ZNF254: variants seen among roughly 807,000 people sequenced by gnomAD.
The protein encoded by ZNF254 is CTD-2017D11.1.
A neutral mutation model predicts 12.4 loss-of-function variants in ZNF254; 10 were observed. The ratio of observed to expected loss-of-function variants is 0.80; its 90% confidence interval spans 0.50 to 1.36. The LOEUF is 1.36. Ranked by LOEUF, ZNF254 falls within the 40% of genes most tolerant of loss-of-function variation. The pLI, the probability that ZNF254 is intolerant of heterozygous loss-of-function variation, is 0.00. For missense variants in ZNF254, 996 were observed against 763.9 expected (o/e 1.30, Z -3.58); for synonymous variants, 305 against 253.4 (o/e 1.20, Z -1.93).
At position 24,107,068 on chromosome 19, in the gene ZNF254, A is replaced by T; in HGVS notation, c.253+425A>T. The T allele has an allele frequency of 2.3e-6, 1 of 443,454 alleles. No homozygotes were observed. Among genetic ancestry groups the T allele is most frequent in the Non-Finnish European group, 3.9e-6 (1 of 254,886 alleles). 27.5% of individuals were successfully genotyped at this position (443,454 alleles called of 1,614,324 possible). A position where few individuals can be genotyped will look rare whatever the true frequency, so the allele number is the denominator to read the frequency against. ...ATATTGGGTTTTTTCTTTTTGGTTT[A>T]TTTTTCTGCACATTTCATCCTGTTT... On this transcript the variant is annotated intron_variant, in intron 3 of 3. Transcript: ENST00000357002.
At position 24,087,323 on chromosome 19, in the gene ZNF254, A is replaced by G. The variant is rs1294870733; in HGVS notation, c.16A>G (p.Arg6Gly). MPGPP[R>G]SLEMGLLTFR... ...CACAGCTAAGATGCCAGGACCCCCT[A>G]GAAGCCTAGAAATGGTGAGAATGCC... The change falls in exon 1 of 4, where the codon AGA becomes GGA. Residue 6 changes from arginine (R) to glycine (G), a missense_variant. Arg to Gly is a moderately radical substitution (Grantham distance 125). Coordinates refer to ENST00000357002, the MANE Select transcript of ZNF254 (RefSeq NM_203282.4). 5 of 1,613,578 alleles carry G rather than the reference A, an allele frequency of 3.1e-6. No homozygotes were observed. The highest frequency in any genetic ancestry group is 4.2e-6 in the Non-Finnish European group (5 of 1,179,692).
chr19:24,075,599 G>A (rs905782306), intron 2 of ZNF254, among the ~76,000 whole-genome samples: 4 of 143,070 alleles, frequency 2.8e-5, no homozygotes, highest in African/African-American at 9.8e-5. Context: ...CAAGGCAAAT[G>A]GGGGCAGAGC....
intron 1 of ZNF254, among the ~76,000 whole-genome samples, chr19:24,099,161 A>G (rs1182205117): frequency 7.5e-6 from 1 of 133,142 alleles, no homozygotes; most frequent in African/African-American, 2.8e-5. Context: ...ATGCCCAGCT[A>G]TTTTTTTTTT....
intron 2 of ZNF254, among the ~76,000 whole-genome samples, chr19:24,050,571 G>A (rs142893261): frequency 4.6e-5 from 7 of 152,218 alleles, no homozygotes; most frequent in Non-Finnish European, 1.0e-4. Context: ...CCTTAGAAGA[G>A]AGAGTGACTT....
At chr19:24,062,766 C>T (rs1168911054) in intron 2 of ZNF254, among the ~76,000 whole-genome samples, 1 of 152,118 alleles carries the variant, frequency 6.6e-6, no homozygotes, top group Non-Finnish European at 1.5e-5. Flanking sequence ...AACCAAAATT[C>T]AGCACACCTT....
intron 2 of ZNF254, among the ~76,000 whole-genome samples, chr19:24,056,055 C>G (rs1245732846): frequency 1.3e-5 from 2 of 152,152 alleles, no homozygotes; most frequent in Non-Finnish European, 2.9e-5. Context: ...GAACCCAGAA[C>G]TGAGGGGATG....
chr19:24,095,801 G>T (rs1972636776), intron 1 of ZNF254, among the ~76,000 whole-genome samples: 1 of 151,824 alleles, frequency 6.6e-6, no homozygotes, highest in African/African-American at 2.4e-5. Flanking sequence ...TTTTTTCATA[G>T]ATTTAATTCC....
chr19:24,065,476 A>G (rs778175579), intron 2 of ZNF254: 5 of 152,146 alleles, frequency 3.3e-5, no homozygotes, highest in Non-Finnish European at 7.3e-5. Flanking sequence ...GAATTGTGAC[A>G]TATAACTTGG....
upstream of ZNF254, among the ~76,000 whole-genome samples, chr19:24,086,378 T>C (rs1972039840): frequency 6.6e-6 from 1 of 152,058 alleles, no homozygotes; most frequent in East Asian, 2.0e-4. Context: ...GGATCTTGAC[T>C]CACTGCAACC....
At chr19:24,113,355 T>C in intron 3 of ZNF254, among the ~76,000 whole-genome samples, 1 of 152,210 alleles carries the variant, frequency 6.6e-6, no homozygotes. Context: ...GCTTCATCCC[T>C]GGGATGCAGG....
At chr19:24,115,356 T>G (rs1481061881) in intron 3 of ZNF254, among the ~76,000 whole-genome samples, 2 of 152,126 alleles carry the variant, frequency 1.3e-5, no homozygotes, top group African/African-American at 4.8e-5. Context: ...TCAATAATGA[T>G]GAGTTCATGT....
Position 24,075,442 on chromosome 19 carries a change from C to CG in ZNF254, c.-94+29167dup, listed in dbSNP as rs772989482. Among the ~76,000 whole-genome samples the CG allele has an allele frequency of 9.4e-4, 143 of 152,172 alleles. 1 individual carries two copies. Among genetic ancestry groups the CG allele is most frequent in the African/African-American group, 3.3e-3 (139 of 41,524 alleles). ...GAAATAAATTTTACAGCTGGGTCTC[C>CG]GGGGTGACATCACATGTCAGCAGGT... On this transcript the variant is annotated intron_variant, in intron 2 of 4. Coordinates refer to the ZNF254 transcript ENST00000613065.
chr19:24,066,914 T>A lies in ZNF254; in HGVS notation c.-94+20635T>A, dbSNP rs1477210042. 3.3e-5 allele frequency: 5 copies of A among 151,862 alleles called. No homozygotes were observed. The East Asian group carries it at 9.7e-4, about 29-fold the overall frequency. The allele number at this position is 151,862 out of a possible 1,614,324, so 9.4% of individuals were successfully genotyped here. ...GACTCCATCTCCAAAAAAAATAAAA[T>A]AAAATAAAATAAAAATACAAATGTC... On this transcript the variant is annotated intron_variant, in intron 2 of 4. Coordinates refer to the ZNF254 transcript ENST00000613065.
chr19:24,114,473 G>A (rs374773509), intron 3 of ZNF254, among the ~76,000 whole-genome samples: 196 of 128,752 alleles, frequency 1.5e-3, no homozygotes, highest in Middle Eastern at 3.6e-3. Flanking sequence ...CTGGCTAGCC[G>A]TATGTAGAAA....
chr19:24,051,274 C>T (rs1970635699), intron 2 of ZNF254, among the ~76,000 whole-genome samples: 1 of 152,160 alleles, frequency 6.6e-6, no homozygotes, highest in South Asian at 2.1e-4. Context: ...TCACCTGCCT[C>T]AGCCTCCTGA....
chr19:24,118,411 T>G (rs1428859059), intron 3 of ZNF254, among the ~76,000 whole-genome samples: 2 of 152,156 alleles, frequency 1.3e-5, no homozygotes, highest in African/African-American at 4.8e-5. Context: ...AGTGGTCATT[T>G]AAATGGATGT....
At chr19:24,094,189 A>T (rs542439713) in intron 1 of ZNF254, among the ~76,000 whole-genome samples, 1 of 152,224 alleles carries the variant, frequency 6.6e-6, no homozygotes, top group Non-Finnish European at 1.5e-5. Context: ...ATGGTTTTCC[A>T]GATGGAGAAT....
In ZNF254 at chr19:24,097,507, C is replaced by T. The variant is rs982973568; in HGVS notation, c.31-8433C>T. ...AAAAAGAGTTCAGTTTATGGCCGGA[C>T]GTGGTGGCTCATGCCTGTAATCCCA... On this transcript the variant is annotated intron_variant, in intron 1 of 3. Transcript: ENST00000357002. Among the ~76,000 whole-genome samples, 8 of 152,072 alleles carry T rather than the reference C, an allele frequency of 5.3e-5. No individual in the cohort carries two copies. In the South Asian group the frequency reaches 8.3e-4, roughly 16 times the overall value.
intron 3 of ZNF254, among the ~76,000 whole-genome samples, chr19:24,122,290 T>A (rs1974535097): frequency 6.6e-6 from 1 of 152,148 alleles, no homozygotes; most frequent in African/African-American, 2.4e-5. Context: ...AGTGGCACCA[T>A]CTCAGCTCAG....
Sources: allele counts gnomAD v4.1 joint callset (sites outside exome capture counted in the v4.1 genomes callset), GRCh38; gene constraint gnomAD v4.1.1; transcripts MANE v1.5; gene names NCBI Gene and HGNC (gene_info 2026-07-23, HGNC 2026-07-21).